SCN11A: variants seen among roughly 807,000 people sequenced by gnomAD.
SCN11A encodes sodium voltage-gated channel alpha subunit 11, also known as sodium channel protein type 11 subunit alpha.
In SCN11A, 122 loss-of-function variants were observed where a neutral mutation model predicts 162.2. The ratio of observed to expected loss-of-function variants is 0.75; its 90% CI spans 0.65 to 0.87. The LOEUF (loss-of-function observed/expected upper bound fraction) is 0.87. SCN11A is among the 40% of genes least tolerant of loss of function. The pLI is 0.00. For missense variants in SCN11A, 2,015 were observed against 2,181.6 expected (o/e 0.92, Z 1.52); for synonymous variants, 758 against 751.5 (o/e 1.01, Z -0.14).
intron 19 of SCN11A, among the ~76,000 whole-genome samples, chr3:38,892,551 A>G (rs1177620965): frequency 1.3e-5 from 2 of 152,300 alleles, no homozygotes; most frequent in African/African-American, 4.8e-5. Flanking sequence ...GAACAAATGA[A>G]GACAGCCAAG....
At chr3:39,011,337 G>A (rs1026178909) in intron 2 of SCN11A, among the ~76,000 whole-genome samples, 1 of 151,930 alleles carries the variant, frequency 6.6e-6, no homozygotes, top group Non-Finnish European at 1.5e-5. Context: ...ATTTGCAATT[G>A]GTTCAGGAAG....
chr3:39,001,865 T>C (rs540023537), intron 2 of SCN11A, among the ~76,000 whole-genome samples: 5 of 152,150 alleles, frequency 3.3e-5, no homozygotes, highest in African/African-American at 1.2e-4. Flanking sequence ...AAACCCCGTC[T>C]CTACTAAAAA....
chr3:38,887,919 T>A (rs2065430375), intron 19 of SCN11A, among the ~76,000 whole-genome samples: 1 of 152,092 alleles, frequency 6.6e-6, no homozygotes, highest in African/African-American at 2.4e-5. Context: ...TACACACACA[T>A]ACAAATATAG....
intron 1 of SCN11A, among the ~76,000 whole-genome samples, chr3:39,033,726 C>T (rs996075445): frequency 6.6e-6 from 1 of 152,122 alleles, no homozygotes; most frequent in African/African-American, 2.4e-5. Context: ...TCCATGGGTT[C>T]CACATCTGTG....
intron 23 of SCN11A, among the ~76,000 whole-genome samples, chr3:38,878,079 C>T (rs918337973): frequency 2.6e-5 from 4 of 151,526 alleles, no homozygotes; most frequent in East Asian, 1.9e-4. Flanking sequence ...ACTGATCGGG[C>T]GATGGGGCAC....
intron 2 of SCN11A, among the ~76,000 whole-genome samples, chr3:39,018,608 G>A (rs947603020): frequency 1.3e-5 from 2 of 152,156 alleles, no homozygotes; most frequent in Non-Finnish European, 2.9e-5. Context: ...CATGAGGTCA[G>A]GAGATCAAGA....
At chr3:38,888,952 C>T (rs1324597688) in intron 19 of SCN11A, among the ~76,000 whole-genome samples, 1 of 151,926 alleles carries the variant, frequency 6.6e-6, no homozygotes, top group Non-Finnish European at 1.5e-5. Context: ...TGCTAAAGAA[C>T]TTATCCATGT....
intron 1 of SCN11A, among the ~76,000 whole-genome samples, chr3:39,041,029 C>T (rs925250363): frequency 1.3e-5 from 2 of 152,144 alleles, no homozygotes; most frequent in African/African-American, 4.8e-5. Flanking sequence ...TTGCAGTGAG[C>T]TGAGATAGCG....
At chr3:38,991,339 C>T (rs544549775) in intron 2 of SCN11A, among the ~76,000 whole-genome samples, 10 of 152,242 alleles carry the variant, frequency 6.6e-5, no homozygotes, top group Admixed American at 1.3e-4. Flanking sequence ...CTCTTTCCTC[C>T]GCCCAGAGGG....
At position 39,022,878 on chromosome 3, in the gene SCN11A, C is replaced by CA. The variant is rs200201040; in HGVS notation, c.-280+9501dup. 2.6e-3 allele frequency among the ~76,000 whole-genome samples: 373 copies of CA among 143,260 alleles called. 3 individuals are homozygous for CA. The highest frequency in any genetic ancestry group is 8.4e-3 in the African/African-American group (326 of 38,980). 94.0% of individuals were successfully genotyped at this position (143,260 alleles called of 152,430 possible). ...TGGGTGACAGAGCAAGACCCTGTCT[C>CA]AAAAAAAAAATAAATAAATAAAATA... On this transcript the variant is annotated intron_variant, in intron 2 of 29. Transcript: ENST00000302328.
intron 1 of SCN11A, among the ~76,000 whole-genome samples, chr3:39,040,445 A>T (rs1279165939): frequency 6.6e-6 from 1 of 152,236 alleles, no homozygotes; most frequent in Non-Finnish European, 1.5e-5. Flanking sequence ...ATGCACAGAA[A>T]TCAACATAGG....
intron 1 of SCN11A, among the ~76,000 whole-genome samples, chr3:39,038,214 C>G (rs1481842753): frequency 6.6e-6 from 1 of 152,156 alleles, no homozygotes; most frequent in African/African-American, 2.4e-5. Flanking sequence ...TTCTGTAGTT[C>G]AGGAATTCAG....
intron 2 of SCN11A, among the ~76,000 whole-genome samples, chr3:38,991,440 T>G (rs1454727467): frequency 6.6e-6 from 1 of 152,350 alleles, no homozygotes; most frequent in East Asian, 1.9e-4. Context: ...CCTTTGTCTC[T>G]GAGCTCCCCA....
intron 29 of SCN11A, 93 bp from the exon 30 acceptor site, chr3:38,847,835 C>G (rs1340226076): frequency 2.9e-6 from 2 of 678,774 alleles, no homozygotes; most frequent in Non-Finnish European, 4.9e-6. Flanking sequence ...TGGGGGCCAA[C>G]TTTTTATCAA....
At chr3:38,870,107 C>A (rs999831658) in intron 26 of SCN11A, among the ~76,000 whole-genome samples, 1 of 152,154 alleles carries the variant, frequency 6.6e-6, no homozygotes, top group Non-Finnish European at 1.5e-5. Context: ...TTCTTTTTAT[C>A]CCTCAACTTT....
At chr3:38,879,693 G>A (rs2065275983) in intron 23 of SCN11A, among the ~76,000 whole-genome samples, 1 of 152,202 alleles carries the variant, frequency 6.6e-6, no homozygotes, top group Admixed American at 6.6e-5. Flanking sequence ...ATGGAGAGAA[G>A]TGAATGAATC....
intron 7 of SCN11A, among the ~76,000 whole-genome samples, chr3:38,944,475 C>T (rs751528569): frequency 1.3e-5 from 2 of 151,750 alleles, no homozygotes; most frequent in South Asian, 2.1e-4. Flanking sequence ...TACAGGCACC[C>T]GCCACCACGC....
At chr3:38,919,835 T>C (rs2125547025) in intron 11 of SCN11A, 100 bp downstream of exon 11, 3 of 813,906 alleles carry the variant, frequency 3.7e-6, no homozygotes, top group South Asian at 1.5e-5. Flanking sequence ...GTGAGAACTA[T>C]CATCACTGTG....
intron 1 of SCN11A, among the ~76,000 whole-genome samples, chr3:39,038,807 T>TAAAG (rs111655390): frequency 0.48 from 72,588 of 151,722 alleles, 21,204 homozygotes; most frequent in African/African-American, 0.84. Flanking sequence ...GTATAAAGGC[T>TAAAG]AAAGAAAAGT....
Sources: allele counts gnomAD v4.1 joint callset (sites outside exome capture counted in the v4.1 genomes callset), GRCh38; gene constraint gnomAD v4.1.1; transcripts MANE v1.5; gene names NCBI Gene and HGNC (gene_info 2026-07-23, HGNC 2026-07-21).